The following MTMR10 variants were observed in gnomAD, a reference collection of about 807,000 sequenced individuals.
MTMR10 encodes the protein myotubularin related protein 10.
MTMR10 carries 56 observed loss-of-function variants against 88.1 expected under a neutral mutation model. The ratio of observed to expected loss-of-function variants is 0.64; its 90% CI spans 0.51 to 0.79. The LOEUF (loss-of-function observed/expected upper bound fraction) is 0.79, where lower values mean the gene tolerates loss of function less well. Ranked by LOEUF, MTMR10 falls within the 30% of genes least tolerant of loss-of-function variation. MTMR10 has a pLI of 0.00. For synonymous variants in MTMR10, 380 were observed against 340.9 expected (o/e 1.11, Z -1.26); for missense variants, 883 against 924.7 (o/e 0.95, Z 0.58).
intron 2 of MTMR10, among the ~76,000 whole-genome samples, chr15:30,984,557 A>G (rs1052012389): frequency 2.6e-5 from 4 of 152,242 alleles, no homozygotes; most frequent in African/African-American, 9.6e-5. Context: ...CTGAGGAAAT[A>G]AGACGTATGG....
the MTMR10 span, chr15:30,929,446 C>A: frequency 6.9e-7 from 1 of 1,456,568 alleles, no homozygotes; most frequent in African/African-American, 1.4e-5. Flanking sequence ...TTAACACCGC[C>A]CCAGTGCTGT....
the MTMR10 span, chr15:30,926,631 G>C: frequency 2.0e-6 from 2 of 985,220 alleles, no homozygotes; most frequent in African/African-American, 3.5e-5. Flanking sequence ...TATTGGGGAA[G>C]ACGTGCAAAT....
intron 1 of MTMR10, 107 bp downstream of exon 1, chr15:30,991,340 G>C: frequency 8.7e-7 from 1 of 1,148,936 alleles, no homozygotes; most frequent in Non-Finnish European, 1.2e-6. Context: ...GCTGTGGGCA[G>C]GGAGACGCGC....
At chr15:30,991,283 T>A in intron 1 of MTMR10, 164 bp downstream of exon 1, 1 of 630,246 alleles carries the variant, frequency 1.6e-6, no homozygotes, top group Non-Finnish European at 2.5e-6. Context: ...CAGTGGGGGC[T>A]CCCGAGAAGG....
At chr15:30,923,605 T>C in the MTMR10 span, among the ~76,000 whole-genome samples, 1 of 152,204 alleles carries the variant, frequency 6.6e-6, no homozygotes, top group African/African-American at 2.4e-5. Flanking sequence ...TGCAAAGTGC[T>C]CTGCAGCCAG....
the MTMR10 span, chr15:30,927,841 C>G: frequency 1.0e-6 from 1 of 985,474 alleles, no homozygotes; most frequent in African/African-American, 1.7e-5. Flanking sequence ...CAAGGCTGAC[C>G]CCCTCATCCC....
At chr15:30,923,705 G>A in the MTMR10 span, among the ~76,000 whole-genome samples, 3 of 152,220 alleles carry the variant, frequency 2.0e-5, no homozygotes, top group Non-Finnish European at 4.4e-5. Flanking sequence ...TTCTGCCAGC[G>A]AACAGGGTGC....
intron 15 of MTMR10, 174 bp from the exon 16 acceptor site, chr15:30,942,246 C>T: frequency 1.2e-6 from 1 of 815,402 alleles, no homozygotes; most frequent in Non-Finnish European, 1.9e-6. Context: ...TGGAATTACA[C>T]TTTTTTATGT....
intron 12 of MTMR10, chr15:30,950,438 G>C (rs2063228440): frequency 6.6e-6 from 1 of 152,160 alleles, no homozygotes. Context: ...GGGAGGCTGA[G>C]GTGGGCAGAC....
At chr15:30,948,716 C>T in intron 12 of MTMR10, 2 of 548,578 alleles carry the variant, frequency 3.6e-6, no homozygotes, top group South Asian at 2.4e-5. Context: ...AAGCTCATCA[C>T]TCATACTTTT....
chr15:30,933,753 CT>C, the MTMR10 span, among the ~76,000 whole-genome samples: 101 of 136,018 alleles, frequency 7.4e-4, no homozygotes, highest in East Asian at 2.2e-3. Context: ...TATTTCTTTT[CT>C]TTTTTTTTTT....
At chr15:30,919,867 G>T in the MTMR10 span, among the ~76,000 whole-genome samples, 2 of 152,148 alleles carry the variant, frequency 1.3e-5, no homozygotes, top group Non-Finnish European at 2.9e-5. Context: ...AGAAGCAGAA[G>T]AAAATCCACA....
intron 1 of MTMR10, 107 bp from the exon 2 acceptor site, chr15:30,990,944 GCCC>G: frequency 2.3e-6 from 2 of 871,644 alleles, no homozygotes; most frequent in Admixed American, 2.7e-5. Context: ...AAGACACACA[GCCC>G]CCCATTTAAA....
chr15:30,935,140 C>G (rs1445210640), downstream of MTMR10, among the ~76,000 whole-genome samples: 1 of 151,946 alleles, frequency 6.6e-6, no homozygotes, highest in African/African-American at 2.4e-5. Flanking sequence ...GACCTCATCT[C>G]TACAAAACGA....
At chr15:30,957,189 A>G (rs1168823874) in intron 9 of MTMR10, among the ~76,000 whole-genome samples, 1 of 152,150 alleles carries the variant, frequency 6.6e-6, no homozygotes, top group African/African-American at 2.4e-5. Context: ...TATTGAATAA[A>G]TATCATATAT....
At chr15:30,927,341 G>A in the MTMR10 span, 18 of 985,568 alleles carry the variant, frequency 1.8e-5, no homozygotes, top group African/African-American at 2.8e-4. Flanking sequence ...GAAAGAGCAT[G>A]AAGTGTTCTA....
intron 10 of MTMR10, 123 bp downstream of exon 10, chr15:30,954,640 A>C: frequency 9.9e-7 from 1 of 1,010,450 alleles, no homozygotes; most frequent in Non-Finnish European, 1.3e-6. Context: ...AATTTGTACA[A>C]ATAGTTCCAT....
intron 12 of MTMR10, chr15:30,949,501 AG>A (rs1238575328): frequency 2.0e-5 from 3 of 152,382 alleles, no homozygotes; most frequent in African/African-American, 7.2e-5. Context: ...AAATGAGGTC[AG>A]TAAGGTTACA....
At chr15:30,938,803 G>T, downstream of MTMR10, 2 of 606,508 alleles carry the variant, frequency 3.3e-6, no homozygotes, top group South Asian at 1.5e-4. Flanking sequence ...GTTAAAAAAA[G>T]TTACTGATCA....
Sources: gnomAD v4.1 joint callset for allele counts (sites outside exome capture counted in the v4.1 genomes callset) on GRCh38, gnomAD v4.1.1 for gene constraint, MANE v1.5 for transcripts, NCBI Gene and HGNC (gene_info 2026-07-23, HGNC 2026-07-21) for gene names.